The following KCND1 variants were observed in gnomAD, a reference collection of about 807,000 sequenced individuals.
KCND1 encodes the protein potassium voltage-gated channel subfamily D member 1, also known as A-type voltage-gated potassium channel KCND1.
A neutral mutation model predicts 31.8 loss-of-function variants in KCND1; 11 were observed. The ratio of observed to expected loss-of-function variants is 0.35; its 90% CI spans 0.22 to 0.57. The LOEUF (loss-of-function observed/expected upper bound fraction) is 0.57. Ranked by LOEUF, KCND1 falls within the 20% of genes least tolerant of loss-of-function variation. KCND1 has a pLI of 0.85. For synonymous variants in KCND1, 234 were observed against 248.1 expected (o/e 0.94, Z 0.53); for missense variants, 471 against 596.8 (o/e 0.79, Z 2.20).
Position 48,969,969 on chromosome X carries a change from C to T in KCND1, c.303G>A (p.Gly101=). Residue 101 remains glycine, a synonymous_variant, in exon 1 of 6, where the codon GGG becomes GGA. Transcript: ENST00000218176. ...FRHVLNFYRT[G]RLHCPRQECI... is the part of the protein sequence containing the mutation. ...ACTCCTGCCGTGGGCAATGCAGCCG[C>T]CCCGTTCGGTAGAAGTTCAGCACAT... The T allele has an allele frequency of 8.3e-7, 1 of 1,211,477 alleles. No homozygotes were observed. Among genetic ancestry groups the T allele is most frequent in the Middle Eastern group, 2.3e-4 (1 of 4,354 alleles).
In KCND1 at chrX:48,969,607, G is replaced by A. The variant is rs2064372958; in HGVS notation, c.665C>T (p.Pro222Leu). Residue 222 changes from proline to leucine, a missense_variant, in exon 1 of 6, where the codon CCC (proline) becomes CTC (leucine). Transcript: ENST00000218176. ...GSARRSSREQ[P>L]CGERFPQAFF... The stretch of plus-strand genomic sequence containing the variant: ...GGCCTGTGGGAAGCGTTCGCCACAG[G>A]GCTGCTCCCTTGAGGACCTGCGTGC... 8.3e-7 allele frequency: 1 copy of A among 1,209,827 alleles called. No individual in the cohort carries two copies. The highest frequency in any genetic ancestry group is 1.1e-6 in the Non-Finnish European group (1 of 894,881).
At chrX:48,964,824 C>T (rs1190460973) in intron 5 of KCND1, among the ~76,000 whole-genome samples, 2 of 105,652 alleles carry the variant, frequency 1.9e-5, no homozygotes, top group South Asian at 4.2e-4. Context: ...GAGATCGATA[C>T]CATCCTGGCC....
Position 48,967,005 on chromosome X carries a change from A to G in KCND1, c.1223T>C (p.Val408Ala). Residue 408 changes from valine to alanine, a missense_variant, in exon 2 of 6, where the codon GTG (valine) becomes GCG (alanine). Coordinates refer to ENST00000218176, the MANE Select transcript of KCND1 (RefSeq NM_004979.6). ...GTGGTAGATGCGGCTAAAGTTGGACACAATGACTGGCACAGGCAGGGCAAT... is the reference window on the plus strand; with the variant it reads ...GTGGTAGATGCGGCTAAAGTTGGACGCAATGACTGGCACAGGCAGGGCAAT... ...LVIALPVPVIVSNFSRIYHQN... is the reference protein window; with the variant it reads ...LVIALPVPVIASNFSRIYHQN... The G allele has an allele frequency of 3.3e-6, 4 of 1,210,440 alleles. No homozygotes were observed. Among genetic ancestry groups the G allele is most frequent in the Non-Finnish European group, 4.5e-6 (4 of 894,977 alleles).
rs782009069 is a variant in KCND1, at chrX:48,969,551, T to C, written c.721A>G (p.Ile241Val). The change falls in exon 1 of 6, where the codon ATA becomes GTA. Residue 241 changes from isoleucine to valine, a missense_variant. By Grantham distance (29) the Ile-to-Val change is conservative. This residue lies in a region of KCND1 where 212 missense variants were observed against 257.9 expected (regional missense o/e 0.82). Transcript: ENST00000218176. ...CGCAGGAGGTATTCACCTGTGAATA[T>C]GAGTACACAGGCTGTGTCCATGCAG... ...FFCMDTACVL[I>V]FTGEYLLRLF... 3.3e-6 allele frequency: 4 copies of C among 1,210,180 alleles called. No individual in the cohort carries two copies. Among genetic ancestry groups the C allele is most frequent in the South Asian group, 3.5e-5 (2 of 56,758 alleles).
intron 5 of KCND1, among the ~76,000 whole-genome samples, chrX:48,964,786 G>A (rs2064342883): frequency 1.9e-5 from 2 of 105,802 alleles, no homozygotes; most frequent in African/African-American, 3.4e-5. Context: ...CACTTTAGGA[G>A]GCCAAGGCAG....
intron 5 of KCND1, among the ~76,000 whole-genome samples, chrX:48,965,760 C>T (rs2147718367): frequency 1.8e-5 from 2 of 110,285 alleles, no homozygotes; most frequent in East Asian, 5.7e-4. Context: ...CCTGTAATAC[C>T]AGCTACTTGT....
rs1557058167 is a variant in KCND1, at chrX:48,967,096, T to C, written c.1132A>G (p.Met378Val). The C allele has an allele frequency of 1.7e-6, 2 of 1,210,214 alleles. No individual in the cohort carries two copies. Among genetic ancestry groups the C allele is most frequent in the Non-Finnish European group, 2.2e-6 (2 of 894,906 alleles). The change falls in exon 2 of 6, where the codon ATG becomes GTG. Residue 378 changes from methionine (M) to valine (V), a missense_variant. Coordinates refer to ENST00000218176, the MANE Select transcript of KCND1 (RefSeq NM_004979.6). ...TTGCCAGCAATGGTGCTGGGCACCA[T>C]GTCTCCGTAGCTGGAGCGAGGGGAG... ...VTMTTLGYGD[M>V]VPSTIAGKIF...
At chrX:48,963,504 A>G (rs7885035) in intron 5 of KCND1, among the ~76,000 whole-genome samples, 3,634 of 110,604 alleles carry the variant, frequency 0.033, 162 homozygotes, top group African/African-American at 0.11. Flanking sequence ...TTGAGCACCT[A>G]CTGGGTCCCT....
chrX:48,970,261 C>T lies in KCND1; in HGVS notation c.11G>A (p.Gly4Asp). The change falls in exon 1 of 6, where the codon GGC (glycine) becomes GAC (aspartate). Residue 4 changes from glycine (G) to aspartate (D), a missense_variant. Gly to Asp is a moderately conservative substitution (Grantham distance 94, BLOSUM62 -1). Transcript: ENST00000218176. Reference sequence around the variant, plus strand: ...AGCAAAAGGCAGCCACGTGGCCAGGCCTGCCGCCATCGTGCCACTCCCCAA... The same window carrying T: ...AGCAAAAGGCAGCCACGTGGCCAGGTCTGCCGCCATCGTGCCACTCCCCAA... MAA[G>D]LATWLPFARA... 1 of 1,195,922 alleles carries T rather than the reference C, an allele frequency of 8.4e-7. No homozygotes were observed. Among genetic ancestry groups the T allele is most frequent in the Non-Finnish European group, 1.1e-6 (1 of 888,450 alleles).
At position 48,970,150 on chromosome X, in the gene KCND1, A is replaced by T; in HGVS notation, c.122T>A (p.Val41Asp). ...CCGTCCGCTCACGTTCACCACCAGA[A>T]CCTCATCTCCTCGAGATGCCTTCAC... ...PGVKASRGDE[V>D]LVVNVSGRRF... is the part of the protein sequence containing the mutation. The change falls in exon 1 of 6, where the codon GTT (valine) becomes GAT (aspartate). Residue 41 changes from valine to aspartate, a missense_variant. By Grantham distance (152) the Val-to-Asp change is radical (BLOSUM62 -3). Coordinates refer to ENST00000218176, the MANE Select transcript of KCND1 (RefSeq NM_004979.6). 8.3e-7 allele frequency: 1 copy of T among 1,210,439 alleles called. No homozygotes were observed. Among genetic ancestry groups the T allele is most frequent in the Non-Finnish European group, 1.1e-6 (1 of 894,995 alleles).
In KCND1 at chrX:48,962,034, G is replaced by C. The variant is rs2064323006; in HGVS notation, c.*547C>G. The C allele has an allele frequency of 8.8e-6, 1 of 113,814 alleles. No homozygotes were observed. Among genetic ancestry groups the C allele is most frequent in the African/African-American group, 3.2e-5 (1 of 31,126 alleles). 9.4% of individuals were successfully genotyped at this position (113,814 alleles called of 1,213,427 possible). ...CAAGGCCTGGGGATGGCAGGTCGCT[G>C]CAGAGGCCACAGCCCATGAAGCCTG... is the stretch of plus-strand genomic sequence containing the variant. On this transcript the variant is annotated 3_prime_UTR_variant, in exon 6 of 6. Coordinates refer to ENST00000218176, the MANE Select transcript of KCND1 (RefSeq NM_004979.6).
At position 48,966,226 on chromosome X, in the gene KCND1, G is replaced by A. The variant is rs782426460; in HGVS notation, c.1547C>T (p.Thr516Ile). 1 of 1,206,578 alleles carries A rather than the reference G, an allele frequency of 8.3e-7. No homozygotes were observed. The highest frequency in any genetic ancestry group is 1.8e-5 in the South Asian group (1 of 55,885). The change falls in exon 5 of 6, where the codon ACC (threonine) becomes ATC (isoleucine). Residue 516 changes from threonine (T) to isoleucine (I), a missense_variant. Thr to Ile is a moderately conservative substitution (Grantham distance 89). Transcript: ENST00000218176. ...TCCCACTGGCTGGGAAGACACAGAG[G>A]TGCTACGGCTGGTGCGGCCACCCGG... Reference protein sequence around the residue: ...VSPGGRTSRSTSVSSQPVGPG... With the variant: ...VSPGGRTSRSISVSSQPVGPG...
At chrX:48,964,447 C>T (rs1214832333) in intron 5 of KCND1, among the ~76,000 whole-genome samples, 1 of 110,913 alleles carries the variant, frequency 9.0e-6, no homozygotes, top group African/African-American at 3.3e-5. Flanking sequence ...ACCCGGGAGG[C>T]GGAGGTTCCA....
rs1209597878 is a variant in KCND1 at position 48,962,720 on chromosome X, G to C, written c.1805C>G (p.Pro602Arg). 1 of 1,208,689 alleles carries C rather than the reference G, an allele frequency of 8.3e-7. No individual in the cohort carries two copies. Among genetic ancestry groups the C allele is most frequent in the East Asian group, 3.0e-5 (1 of 33,740 alleles). The change falls in exon 6 of 6, where the codon CCT (proline) becomes CGT (arginine). Residue 602 changes from proline (P) to arginine (R), a missense_variant. Coordinates refer to ENST00000218176, the MANE Select transcript of KCND1 (RefSeq NM_004979.6). The part of the protein sequence containing the change: ...RDFVAAIISI[P>R]TPPANTPDES... ...ATCTGGGGTGTTGGCAGGAGGGGTA[G>C]GGATGCTGATAATGGCAGCCACGAA...
At position 48,969,896 on chromosome X, in the gene KCND1, C is replaced by T. The variant is rs143344385; in HGVS notation, c.376G>A (p.Glu126Lys). 2.1e-4 allele frequency: 250 copies of T among 1,210,125 alleles called. No homozygotes were observed. The highest frequency in any genetic ancestry group is 2.7e-4 in the Non-Finnish European group (242 of 895,062). Residue 126 changes from glutamate to lysine, a missense_variant, in exon 1 of 6, where the codon GAG (glutamate) becomes AAG (lysine). Glu to Lys is a moderately conservative substitution (Grantham distance 56). Coordinates refer to ENST00000218176, the MANE Select transcript of KCND1 (RefSeq NM_004979.6). Reference sequence around the variant, plus strand: ...TCAAGGCAGCAGTCACCGACTAGCTCGGGAACCAGGCCGTAGAAAGCCAGC... The same window carrying T: ...TCAAGGCAGCAGTCACCGACTAGCTTGGGAACCAGGCCGTAGAAAGCCAGC... The part of the protein sequence containing the change: ...EELAFYGLVP[E>K]LVGDCCLEEY...
chrX:48,970,531 A>C lies in KCND1; in HGVS notation c.-260T>G, dbSNP rs1557058823. 1 of 349,944 alleles carries C rather than the reference A, an allele frequency of 2.9e-6. No individual in the cohort carries two copies. Among genetic ancestry groups the C allele is most frequent in the East Asian group, 4.8e-5 (1 of 20,691 alleles). The allele number at this position is 349,944 out of a possible 1,213,427, so 28.8% of individuals were successfully genotyped here. ...GCCTTGGGGACATGGAGAAGAGCAGAAAAGGGGTGTGGGGATGGGGCCAAG... is the reference window on the plus strand; with the variant it reads ...GCCTTGGGGACATGGAGAAGAGCAGCAAAGGGGTGTGGGGATGGGGCCAAG... On this transcript the variant is annotated 5_prime_UTR_variant, in exon 1 of 6. Transcript: ENST00000218176.
At position 48,962,497 on chromosome X, in the gene KCND1, G is replaced by C; in HGVS notation, c.*84C>G. The C allele has an allele frequency of 1.4e-6, 1 of 691,253 alleles. No individual in the cohort carries two copies. The highest frequency in any genetic ancestry group is 2.2e-6 in the Non-Finnish European group (1 of 457,811). The allele number at this position is 691,253 out of a possible 1,213,427, so 57.0% of individuals were successfully genotyped here. A position where few individuals can be genotyped will look rare whatever the true frequency, so the allele number is the denominator to read the frequency against. On this transcript the variant is annotated 3_prime_UTR_variant, in exon 6 of 6. Coordinates refer to ENST00000218176, the MANE Select transcript of KCND1 (RefSeq NM_004979.6). ...GGGGGCAGAAGGGGTGCCCAAGCCT[G>C]CCCCTCTCTGCCTCCCAAAAATATG... is the stretch of plus-strand genomic sequence containing the variant.
rs1282997974 is a variant in KCND1 at position 48,966,197 on chromosome X, C to T, written c.1576G>A (p.Gly526Arg). Residue 526 changes from glycine (G) to arginine (R), a missense_variant, in exon 5 of 6, where the codon GGA becomes AGA. This residue lies in a region of KCND1 where 185 missense variants were observed against 184.7 expected (regional missense o/e 1.00). Transcript: ENST00000218176. The part of the protein sequence containing the change: ...TSVSSQPVGP[G>R]SLLSSCCPRR... ...GGGCAGCAAGAAGACAGCAGGCTTC[C>T]GGGTCCCACTGGCTGGGAAGACACA... 2.5e-6 allele frequency: 3 copies of T among 1,208,625 alleles called. No individual in the cohort carries two copies. Among genetic ancestry groups the T allele is most frequent in the South Asian group, 1.8e-5 (1 of 56,386 alleles).
chrX:48,965,938 A>C, intron 5 of KCND1, 117 bp downstream of exon 5: 1 of 766,254 alleles, frequency 1.3e-6, no homozygotes, highest in Non-Finnish European at 1.9e-6. Flanking sequence ...AGCTTCCAGC[A>C]TGGAGGGGTT....
Sources: gnomAD v4.1 joint callset for allele counts (sites outside exome capture counted in the v4.1 genomes callset) on GRCh38, gnomAD v4.1.1 for gene constraint, gnomAD v4.1.1 regional missense constraint, MANE v1.5 for transcripts, NCBI Gene and HGNC (gene_info 2026-07-23, HGNC 2026-07-21) for gene names.